The following SUGCT variants were observed in gnomAD, a reference collection of about 807,000 sequenced individuals.
SUGCT encodes the protein succinyl-CoA:glutarate-CoA transferase, also known as succinyl-CoA:glutarate CoA-transferase.
Under a neutral mutation model 55.0 loss-of-function variants are expected in SUGCT, and 41 were observed. The ratio of observed to expected loss-of-function variants is 0.74; its 90% confidence interval spans 0.58 to 0.97. The LOEUF (loss-of-function observed/expected upper bound fraction) is 0.97, where lower values mean the gene tolerates loss of function less well. Among genes scored for constraint, SUGCT ranks in the 50% least tolerant of loss-of-function variants. SUGCT has a pLI of 0.00. For missense variants in SUGCT, 568 were observed against 547.8 expected, an observed-to-expected ratio of 1.04 and a Z score of -0.37; for synonymous variants, 187 against 200.4, an observed-to-expected ratio of 0.93 and a Z score of 0.56.
At chr7:40,658,341 C>T (rs1298895564) in intron 12 of SUGCT, among the ~76,000 whole-genome samples, 3 of 152,066 alleles carry the variant, frequency 2.0e-5, no homozygotes, top group African/African-American at 4.8e-5. Flanking sequence ...TCCCCCTTTC[C>T]GTCTCTTAAT....
intron 9 of SUGCT, among the ~76,000 whole-genome samples, chr7:40,395,438 G>C (rs1303596178): frequency 7.3e-6 from 1 of 136,330 alleles, no homozygotes; most frequent in East Asian, 2.2e-4. Flanking sequence ...GCAGTGAGCC[G>C]AGATCCTGCC....
At chr7:40,359,285 AC>A (rs1798035265) in intron 9 of SUGCT, among the ~76,000 whole-genome samples, 1 of 152,036 alleles carries the variant, frequency 6.6e-6, no homozygotes, top group African/African-American at 2.4e-5. Flanking sequence ...GCTCACTGCA[AC>A]CTCTGCCTCC....
chr7:40,209,728 G>A (rs866797673), intron 6 of SUGCT, among the ~76,000 whole-genome samples: 9 of 151,508 alleles, frequency 5.9e-5, no homozygotes, highest in African/African-American at 2.2e-4. Context: ...CCCAGGAGGC[G>A]GAGGTTACAG....
chr7:40,876,919 C>T, the SUGCT span, among the ~76,000 whole-genome samples: 2 of 152,160 alleles, frequency 1.3e-5, no homozygotes, highest in African/African-American at 4.8e-5. Flanking sequence ...ACAGCATCCA[C>T]GATCTAATTT....
intron 13 of SUGCT, among the ~76,000 whole-genome samples, chr7:40,830,285 G>A (rs147452442): frequency 2.0e-5 from 3 of 152,314 alleles, no homozygotes; most frequent in East Asian, 1.9e-4. Flanking sequence ...CCAAGGGCTT[G>A]AGTACCTAGA....
chr7:40,617,732 A>T (rs553258020), intron 12 of SUGCT, among the ~76,000 whole-genome samples: 2 of 152,088 alleles, frequency 1.3e-5, no homozygotes, highest in African/African-American at 4.8e-5. Flanking sequence ...CAATAACTGC[A>T]TACTTTTTTT....
chr7:40,860,497 T>G lies in SUGCT; in HGVS notation c.*18T>G. On this transcript the variant is annotated 3_prime_UTR_variant, in exon 14 of 14. Coordinates refer to ENST00000335693, the MANE Select transcript of SUGCT (RefSeq NM_001193313.2). ...CTCACTGACAAAGGAAAAGGGCTCT[T>G]CCTCATAACCTCGATCCGAATACAC... is the stretch of plus-strand genomic sequence containing the variant. 6.2e-7 allele frequency: 1 copy of G among 1,604,478 alleles called. No individual in the cohort carries two copies.
chr7:40,463,363 A>G (rs772872044), intron 11 of SUGCT, among the ~76,000 whole-genome samples: 33 of 152,220 alleles, frequency 2.2e-4, no homozygotes, highest in Non-Finnish European at 4.1e-4. Flanking sequence ...GGATTTTTAC[A>G]AAGTTGGCTC....
chr7:40,739,976 C>T (rs2128703645), intron 12 of SUGCT, among the ~76,000 whole-genome samples: 1 of 152,148 alleles, frequency 6.6e-6, no homozygotes, highest in East Asian at 1.9e-4. Flanking sequence ...GTAAGAATTG[C>T]ATTAAACTTA....
At chr7:40,542,861 TGGG>T (rs1484610170) in intron 12 of SUGCT, among the ~76,000 whole-genome samples, 1 of 152,108 alleles carries the variant, frequency 6.6e-6, no homozygotes, top group Non-Finnish European at 1.5e-5. Context: ...TAGTTAAACA[TGGG>T]GGAAATGGCC....
At chr7:40,505,960 G>A (rs1024237165) in intron 12 of SUGCT, among the ~76,000 whole-genome samples, 1 of 151,944 alleles carries the variant, frequency 6.6e-6, no homozygotes, top group Non-Finnish European at 1.5e-5. Flanking sequence ...ATTTATATAT[G>A]TTAAAGGCCT....
At chr7:40,746,383 G>A (rs1326549381) in intron 12 of SUGCT, among the ~76,000 whole-genome samples, 1 of 152,088 alleles carries the variant, frequency 6.6e-6, no homozygotes, top group Non-Finnish European at 1.5e-5. Flanking sequence ...GGAATTGTAT[G>A]GACTTCACAC....
At chr7:40,233,428 A>G (rs560466111) in intron 6 of SUGCT, among the ~76,000 whole-genome samples, 3 of 152,126 alleles carry the variant, frequency 2.0e-5, no homozygotes, top group African/African-American at 4.8e-5. Context: ...ACCATGTTGG[A>G]CAGGCTTGTC....
chr7:40,941,636 T>C, the SUGCT span, among the ~76,000 whole-genome samples: 6 of 152,138 alleles, frequency 3.9e-5, no homozygotes, highest in Admixed American at 3.9e-4. Context: ...ACTTTCTGCC[T>C]TGAGGATCGG....
chr7:40,708,144 A>G lies in SUGCT; in HGVS notation c.1090-41290A>G, dbSNP rs79949055. Among the ~76,000 whole-genome samples, 212 of 152,322 alleles carry G rather than the reference A, an allele frequency of 1.4e-3. 1 individual carries two copies. Among genetic ancestry groups the G allele is most frequent in the African/African-American group, 5.0e-3 (207 of 41,578 alleles). On this transcript the variant is annotated intron_variant, in intron 12 of 13. Coordinates refer to ENST00000335693, the MANE Select transcript of SUGCT (RefSeq NM_001193313.2). ...CACAGCACCATTTAAAGTGACAGGA[A>G]GCAGAGAGATATATTAGTACTATTG...
At chr7:40,551,082 T>A (rs1479352713) in intron 12 of SUGCT, among the ~76,000 whole-genome samples, 1 of 152,148 alleles carries the variant, frequency 6.6e-6, no homozygotes, top group Non-Finnish European at 1.5e-5. Context: ...CTCACTGAGC[T>A]CTTTTCTCAG....
At chr7:40,403,835 G>A (rs1409113481) in intron 9 of SUGCT, among the ~76,000 whole-genome samples, 2 of 152,192 alleles carry the variant, frequency 1.3e-5, no homozygotes, top group African/African-American at 4.8e-5. Flanking sequence ...TGAGTTTACA[G>A]TGCAAACATG....
chr7:40,275,589 G>A (rs751005440), intron 8 of SUGCT, among the ~76,000 whole-genome samples: 9 of 152,086 alleles, frequency 5.9e-5, no homozygotes, highest in South Asian at 2.1e-4. Context: ...ATATTTATTC[G>A]TGATCAAGTC....
At chr7:40,721,814 T>C (rs1786352370) in intron 12 of SUGCT, among the ~76,000 whole-genome samples, 1 of 152,250 alleles carries the variant, frequency 6.6e-6, no homozygotes, top group African/African-American at 2.4e-5. Flanking sequence ...TTTATGCATA[T>C]GTGTACAATC....
Sources: allele counts gnomAD v4.1 joint callset (sites outside exome capture counted in the v4.1 genomes callset), GRCh38; gene constraint gnomAD v4.1.1; transcripts MANE v1.5; gene names NCBI Gene and HGNC (gene_info 2026-07-23, HGNC 2026-07-21).